OSBPL9: variants seen among roughly 807,000 people sequenced by gnomAD.
OSBPL9 encodes the protein oxysterol-binding protein-related protein 9.
In OSBPL9, 40 loss-of-function variants were observed where a neutral mutation model predicts 106.6. The observed-to-expected ratio is 0.38, with a 90% confidence interval of 0.29 to 0.49. OSBPL9 has a LOEUF of 0.49. Ranked by LOEUF, OSBPL9 falls within the 20% of genes least tolerant of loss-of-function variation. OSBPL9 has a pLI of 0.97. For missense variants in OSBPL9, 609 were observed against 887.2 expected (o/e 0.69, Z 3.98); for synonymous variants, 269 against 295.4 (o/e 0.91, Z 0.92).
intron 2 of OSBPL9, among the ~76,000 whole-genome samples, chr1:51,660,850 G>A (rs767299108): frequency 1.2e-4 from 19 of 152,096 alleles, no homozygotes; most frequent in Non-Finnish European, 2.6e-4. Flanking sequence ...GCCCAGAATA[G>A]GTATTTAATA....
the OSBPL9 span, among the ~76,000 whole-genome samples, chr1:51,554,129 C>A: frequency 6.6e-6 from 1 of 152,180 alleles, no homozygotes; most frequent in Non-Finnish European, 1.5e-5. Flanking sequence ...GCACTCTGTG[C>A]AGACACAGGA....
intron 1 of OSBPL9, among the ~76,000 whole-genome samples, chr1:51,584,207 G>A (rs549109860): frequency 2.6e-5 from 4 of 152,158 alleles, no homozygotes; most frequent in East Asian, 1.9e-4. Context: ...ATTCCAAAAC[G>A]TCATGTTGTC....
intron 2 of OSBPL9, among the ~76,000 whole-genome samples, chr1:51,654,484 A>G (rs1178187737): frequency 6.6e-6 from 1 of 152,212 alleles, no homozygotes; most frequent in Non-Finnish European, 1.5e-5. Flanking sequence ...TTCAAAAACA[A>G]CCACTTATAT....
chr1:51,732,111 G>C (rs1004480687), intron 4 of OSBPL9, among the ~76,000 whole-genome samples: 1 of 152,162 alleles, frequency 6.6e-6, no homozygotes, highest in Non-Finnish European at 1.5e-5. Flanking sequence ...AGATTAGTAG[G>C]GAATTTAACT....
intron 1 of OSBPL9, among the ~76,000 whole-genome samples, chr1:51,590,508 T>A (rs1244379668): frequency 6.7e-6 from 1 of 150,374 alleles, no homozygotes; most frequent in Non-Finnish European, 1.5e-5. Flanking sequence ...TATTCCCAGC[T>A]ACTCGGGAGG....
At chr1:51,570,970 C>T in the OSBPL9 span, among the ~76,000 whole-genome samples, 6 of 152,010 alleles carry the variant, frequency 3.9e-5, no homozygotes, top group African/African-American at 1.2e-4. Context: ...TATAGGTTCC[C>T]GCCACCACGC....
intron 4 of OSBPL9, among the ~76,000 whole-genome samples, chr1:51,717,675 CTTTT>C: frequency 7.2e-6 from 1 of 138,996 alleles, no homozygotes; most frequent in East Asian, 2.1e-4. Flanking sequence ...GTTAAAATGG[CTTTT>C]TTTTTTTTTT....
At chr1:51,651,616 A>C (rs1476237070) in intron 1 of OSBPL9, among the ~76,000 whole-genome samples, 1 of 151,966 alleles carries the variant, frequency 6.6e-6, no homozygotes. Flanking sequence ...ACAAAACAAA[A>C]AAAAATAATT....
the OSBPL9 span, among the ~76,000 whole-genome samples, chr1:51,546,237 G>A: frequency 3.9e-5 from 6 of 151,936 alleles, no homozygotes; most frequent in African/African-American, 7.3e-5. Context: ...GGCTGGTCTC[G>A]AATTCCTGAG....
intron 2 of OSBPL9, among the ~76,000 whole-genome samples, chr1:51,655,111 A>G (rs1051915057): frequency 6.6e-6 from 1 of 152,200 alleles, no homozygotes; most frequent in Non-Finnish European, 1.5e-5. Context: ...CATACACACA[A>G]AAACACCCAT....
chr1:51,675,418 G>T (rs1307960810), intron 3 of OSBPL9, among the ~76,000 whole-genome samples: 2 of 151,940 alleles, frequency 1.3e-5, no homozygotes, highest in African/African-American at 4.8e-5. Flanking sequence ...GTGTGTGTGT[G>T]TGTGTGAACT....
chr1:51,735,208 C>G (rs146188124), intron 4 of OSBPL9, among the ~76,000 whole-genome samples: 1 of 152,194 alleles, frequency 6.6e-6, no homozygotes, highest in African/African-American at 2.4e-5. Flanking sequence ...TGAGGCAATT[C>G]TGGCAGTGAC....
chr1:51,568,483 C>T, the OSBPL9 span, among the ~76,000 whole-genome samples: 1 of 152,200 alleles, frequency 6.6e-6, no homozygotes, highest in Admixed American at 6.5e-5. Flanking sequence ...TAGAGATCAT[C>T]AGTGTCTCTG....
chr1:51,599,162 A>G (rs756472510), intron 2 of OSBPL9, among the ~76,000 whole-genome samples: 7 of 152,206 alleles, frequency 4.6e-5, no homozygotes, highest in Non-Finnish European at 8.8e-5. Context: ...GCAGTGAGCT[A>G]TGATTACACC....
rs547460073 is a variant in OSBPL9 at position 51,754,860 on chromosome 1, T to C, written c.544-1460T>C. Reference sequence around the variant, plus strand: ...CTCTGTCACTCAGACTGGAGTGCAGTGTCACAATCATAAATAACTCACTGC... The same window carrying C: ...CTCTGTCACTCAGACTGGAGTGCAGCGTCACAATCATAAATAACTCACTGC... On this transcript the variant is annotated intron_variant, in intron 8 of 23. Coordinates refer to ENST00000428468, the MANE Select transcript of OSBPL9 (RefSeq NM_024586.6). Among the ~76,000 whole-genome samples the C allele has an allele frequency of 3.3e-5, 5 of 152,290 alleles. No individual in the cohort carries two copies. The South Asian group carries it at 1.0e-3, about 32-fold the overall frequency.
intron 4 of OSBPL9, among the ~76,000 whole-genome samples, chr1:51,721,595 A>C (rs1485992772): frequency 2.0e-5 from 3 of 152,236 alleles, no homozygotes; most frequent in Non-Finnish European, 4.4e-5. Context: ...GTGTCTGAGT[A>C]GATTAATAAA....
the OSBPL9 span, among the ~76,000 whole-genome samples, chr1:51,534,185 T>C: frequency 1.3e-5 from 2 of 150,956 alleles, no homozygotes; most frequent in African/African-American, 4.9e-5. Context: ...GCCTGGGCGA[T>C]AGAGTGAGAC....
chr1:51,711,171 T>G lies in OSBPL9; in HGVS notation c.242-2832T>G. 1.3e-5 allele frequency among the ~76,000 whole-genome samples: 2 copies of G among 151,970 alleles called. 1 individual carries two copies. Among genetic ancestry groups the G allele is most frequent in the Admixed American group, 1.3e-4 (2 of 15,280 alleles). On this transcript the variant is annotated intron_variant, in intron 3 of 23. Coordinates refer to ENST00000428468, the MANE Select transcript of OSBPL9 (RefSeq NM_024586.6). ...TTTCCCCACCTTTCCCCCCTTTCTATTCCACAAAGCCGCCATCGTCATCCT... is the reference window on the plus strand; with the variant it reads ...TTTCCCCACCTTTCCCCCCTTTCTAGTCCACAAAGCCGCCATCGTCATCCT...
the OSBPL9 span, among the ~76,000 whole-genome samples, chr1:51,562,681 T>C: frequency 6.6e-6 from 1 of 152,192 alleles, no homozygotes; most frequent in Non-Finnish European, 1.5e-5. Flanking sequence ...CATTCTGAGC[T>C]TGGCCCCATG....
Sources: allele counts gnomAD v4.1 joint callset (sites outside exome capture counted in the v4.1 genomes callset), GRCh38; gene constraint gnomAD v4.1.1; transcripts MANE v1.5; gene names NCBI Gene and HGNC (gene_info 2026-07-23, HGNC 2026-07-21).